The following SDK1 variants were observed in gnomAD, a reference collection of about 807,000 sequenced individuals.
SDK1 encodes the protein protein sidekick-1.
Under a neutral mutation model 245.5 loss-of-function variants are expected in SDK1, and 157 were observed. The observed-to-expected ratio is 0.64, with a 90% confidence interval of 0.56 to 0.73. The LOEUF (loss-of-function observed/expected upper bound fraction) is 0.73. Among genes scored for constraint, SDK1 ranks in the 30% least tolerant of loss-of-function variants. SDK1 has a pLI of 0.00. For synonymous variants in SDK1, 1,647 were observed against 1,278.5 expected (o/e 1.29, Z -6.15); for missense variants, 3,583 against 3,002.3 (o/e 1.19, Z -4.52).
chr7:3,492,603 G>C (rs1781898318), intron 1 of SDK1, among the ~76,000 whole-genome samples: 1 of 152,240 alleles, frequency 6.6e-6, no homozygotes, highest in African/African-American at 2.4e-5. Context: ...CAGTTCTTCA[G>C]TGTTCCTGTT....
intron 4 of SDK1, among the ~76,000 whole-genome samples, chr7:3,662,760 A>G (rs1302407751): frequency 1.3e-5 from 2 of 152,196 alleles, no homozygotes; most frequent in African/African-American, 4.8e-5. Context: ...GAAAATCTGA[A>G]ATTTCAAATG....
chr7:3,338,820 A>G (rs139475805), intron 1 of SDK1, among the ~76,000 whole-genome samples: 312 of 152,306 alleles, frequency 2.0e-3, no homozygotes, highest in Admixed American at 3.5e-3. Context: ...TAGAGCAGCC[A>G]TTATGAAAAC....
chr7:3,543,584 G>A (rs1315070594), intron 1 of SDK1, among the ~76,000 whole-genome samples: 1 of 152,202 alleles, frequency 6.6e-6, no homozygotes, highest in Non-Finnish European at 1.5e-5. Context: ...CTGGAAACTC[G>A]CAAGATGTCC....
At chr7:3,741,062 G>A (rs973982870) in intron 4 of SDK1, among the ~76,000 whole-genome samples, 5 of 152,216 alleles carry the variant, frequency 3.3e-5, no homozygotes, top group Admixed American at 6.5e-5. Context: ...GGAATGTGGT[G>A]TCTGTGGATT....
chr7:4,014,438 C>T (rs1175595120), intron 16 of SDK1, among the ~76,000 whole-genome samples: 4 of 152,154 alleles, frequency 2.6e-5, no homozygotes, highest in Non-Finnish European at 5.9e-5. Context: ...TCAAAGTTTT[C>T]AGAAATGAAA....
intron 40 of SDK1, chr7:4,232,952 A>T (rs1785889673): frequency 4.2e-6 from 1 of 238,974 alleles, no homozygotes; most frequent in Non-Finnish European, 8.1e-6. Flanking sequence ...AATAAATCAT[A>T]CATACATATA....
chr7:3,883,350 A>G (rs1264723159), intron 5 of SDK1, among the ~76,000 whole-genome samples: 1 of 152,208 alleles, frequency 6.6e-6, no homozygotes. Flanking sequence ...GATCTCCTTG[A>G]TAAGTCTTAA....
chr7:3,942,437 T>C (rs1780402772), intron 5 of SDK1, among the ~76,000 whole-genome samples: 1 of 152,168 alleles, frequency 6.6e-6, no homozygotes, highest in Non-Finnish European at 1.5e-5. Flanking sequence ...GTTGGCAAAA[T>C]TCTAAAGCAT....
At chr7:4,213,214 C>A (rs1011242206) in intron 38 of SDK1, among the ~76,000 whole-genome samples, 1 of 152,076 alleles carries the variant, frequency 6.6e-6, no homozygotes, top group African/African-American at 2.4e-5. Flanking sequence ...GAGTTCAAGA[C>A]CAGCCTGGCC....
intron 4 of SDK1, among the ~76,000 whole-genome samples, chr7:3,788,737 G>T (rs1256688060): frequency 1.3e-5 from 2 of 152,196 alleles, no homozygotes; most frequent in African/African-American, 4.8e-5. Flanking sequence ...GCAGTCCGCG[G>T]GTTGGGCAAG....
chr7:3,382,950 A>G (rs1214390762), intron 1 of SDK1, among the ~76,000 whole-genome samples: 1 of 152,184 alleles, frequency 6.6e-6, no homozygotes, highest in Non-Finnish European at 1.5e-5. Flanking sequence ...GGGTAAAAAG[A>G]AAGATTACCT....
intron 2 of SDK1, among the ~76,000 whole-genome samples, chr7:3,623,946 G>C (rs1436994999): frequency 6.6e-6 from 1 of 152,140 alleles, no homozygotes; most frequent in Non-Finnish European, 1.5e-5. Context: ...AATAAGAATG[G>C]TTAAGGGAAA....
intron 34 of SDK1, among the ~76,000 whole-genome samples, chr7:4,176,533 G>A (rs1391238158): frequency 1.3e-5 from 2 of 152,138 alleles, no homozygotes; most frequent in East Asian, 3.9e-4. Flanking sequence ...ATTTTTAGGT[G>A]TACAGTTCAG....
intron 29 of SDK1, among the ~76,000 whole-genome samples, chr7:4,148,525 A>T (rs932139693): frequency 6.6e-6 from 1 of 152,182 alleles, no homozygotes; most frequent in Non-Finnish European, 1.5e-5. Context: ...GATGCCGTAG[A>T]TGCTTTAGGC....
intron 4 of SDK1, among the ~76,000 whole-genome samples, chr7:3,737,317 T>C (rs1779343891): frequency 6.6e-6 from 1 of 152,242 alleles, no homozygotes. Flanking sequence ...GGCTGCAGGC[T>C]GTGCTCTGCC....
At chr7:4,066,120 G>T (rs918937833) in intron 19 of SDK1, among the ~76,000 whole-genome samples, 1 of 152,092 alleles carries the variant, frequency 6.6e-6, no homozygotes, top group African/African-American at 2.4e-5. Context: ...CGGATGTCTC[G>T]TCTCTTCTCC....
intron 17 of SDK1, among the ~76,000 whole-genome samples, chr7:4,024,991 G>A (rs1031071033): frequency 6.7e-6 from 1 of 149,500 alleles, no homozygotes; most frequent in Non-Finnish European, 1.5e-5. Context: ...GGACTGCGGT[G>A]CACAATGAGA....
intron 40 of SDK1, among the ~76,000 whole-genome samples, chr7:4,227,936 G>A (rs1785537096): frequency 6.6e-6 from 1 of 152,188 alleles, no homozygotes; most frequent in Admixed American, 6.5e-5. Flanking sequence ...CTGTCGGCTG[G>A]AGACAAGCAT....
At chr7:3,894,338 T>G (rs1367301778) in intron 5 of SDK1, among the ~76,000 whole-genome samples, 1 of 151,926 alleles carries the variant, frequency 6.6e-6, no homozygotes, top group Non-Finnish European at 1.5e-5. Context: ...TGCAACAACC[T>G]GAGCCAGGAG....
Sources: allele counts gnomAD v4.1 joint callset (sites outside exome capture counted in the v4.1 genomes callset), GRCh38; gene constraint gnomAD v4.1.1; transcripts MANE v1.5; gene names NCBI Gene and HGNC (gene_info 2026-07-23, HGNC 2026-07-21).